KLHL29: variants seen among roughly 807,000 people sequenced by gnomAD.
KLHL29 encodes the protein kelch like family member 29.
A neutral mutation model predicts 80.4 loss-of-function variants in KLHL29; 21 were observed. The ratio of observed to expected loss-of-function variants is 0.26; its 90% CI spans 0.19 to 0.38. KLHL29 has a LOEUF of 0.38. Among genes scored for constraint, KLHL29 ranks in the 10% least tolerant of loss-of-function variants. KLHL29 has a pLI of 1.00. For missense variants in KLHL29, 867 were observed against 1,223.9 expected (o/e 0.71, Z 4.35); for synonymous variants, 511 against 526.8 (o/e 0.97, Z 0.41).
Position 23,669,043 on chromosome 2 carries a change from G to C in KLHL29, c.941-15356G>C, listed in dbSNP as rs563965496. ...AGCACCTTCCTCATCCCTGGGCCGG[G>C]GGCTGTGGAGTCTAGGAGGACCTGG... is the stretch of plus-strand genomic sequence containing the variant. On this transcript the variant is annotated intron_variant, in intron 5 of 13. Transcript: ENST00000486442. This position sits in a 1 kb window ranked among gnomAD's most constrained non-coding sequence, Gnocchi z 4.3. The C allele has an allele frequency of 4.6e-5, 7 of 152,408 alleles. No homozygotes were observed. The highest frequency in any genetic ancestry group is 1.7e-4 in the African/African-American group (7 of 41,558). The allele number at this position is 152,408 out of a possible 1,614,324, so 9.4% of individuals were successfully genotyped here.
intron 1 of KLHL29, among the ~76,000 whole-genome samples, chr2:23,459,393 G>A (rs1417489356): frequency 3.9e-5 from 6 of 152,180 alleles, no homozygotes. Flanking sequence ...GAGAGTGATT[G>A]AAGCCTTGAG....
At chr2:23,445,402 T>A (rs899144610) in intron 1 of KLHL29, among the ~76,000 whole-genome samples, 15 of 152,234 alleles carry the variant, frequency 9.9e-5, no homozygotes, top group African/African-American at 3.6e-4. Context: ...CATTGTCCGC[T>A]TTTTAATATA....
intron 3 of KLHL29, among the ~76,000 whole-genome samples, chr2:23,563,651 G>C (rs367885534): frequency 3.9e-5 from 6 of 152,172 alleles, no homozygotes; most frequent in Non-Finnish European, 5.9e-5. Context: ...GGTGTGCTGC[G>C]CCTTTGTCTC....
chr2:23,641,314 C>G (rs1260021803), intron 4 of KLHL29, among the ~76,000 whole-genome samples: 1 of 152,206 alleles, frequency 6.6e-6, no homozygotes, highest in Non-Finnish European at 1.5e-5. Flanking sequence ...CTTGTTTCCC[C>G]CAGGGCTGGC....
In KLHL29 at chr2:23,453,337, T is replaced by C. The variant is rs997550098; in HGVS notation, c.-153-22223T>C. Among the ~76,000 whole-genome samples the C allele has an allele frequency of 8.7e-4, 133 of 152,212 alleles. 1 individual carries two copies. Among genetic ancestry groups the C allele is most frequent in the Admixed American group, 8.6e-3 (131 of 15,294 alleles). On this transcript the variant is annotated intron_variant, in intron 1 of 13. Transcript: ENST00000486442. ...CTACCTGTCCTGTGTGACAGAAAAATGCAGCGGTTGCCAGCCAAGGGCCCA... is the reference window on the plus strand; with the variant it reads ...CTACCTGTCCTGTGTGACAGAAAAACGCAGCGGTTGCCAGCCAAGGGCCCA...
intron 3 of KLHL29, among the ~76,000 whole-genome samples, chr2:23,632,140 G>A (rs1011141592): frequency 4.6e-5 from 7 of 152,188 alleles, no homozygotes; most frequent in African/African-American, 1.4e-4. Flanking sequence ...GGAGATCCCC[G>A]TGGTGGTGGT....
rs1182131587 is a variant in KLHL29 at position 23,707,522 on chromosome 2, A to C, written c.*858A>C. 2 of 152,098 alleles carry C rather than the reference A, an allele frequency of 1.3e-5. No homozygotes were observed. The highest frequency in any genetic ancestry group is 2.9e-5 in the Non-Finnish European group (2 of 68,028). 9.4% of individuals were successfully genotyped at this position (152,098 alleles called of 1,614,324 possible). ...CATTTTTCTATGTGCAGAATAGAGG[A>C]TCTCTCCTGGGGTGGGCGATGCCCC... On this transcript the variant is annotated 3_prime_UTR_variant, in exon 14 of 14. Transcript: ENST00000486442.
intron 2 of KLHL29, among the ~76,000 whole-genome samples, chr2:23,488,173 C>T (rs979166785): frequency 8.5e-5 from 13 of 152,382 alleles, no homozygotes; most frequent in African/African-American, 3.1e-4. Context: ...CAATAACACA[C>T]CTCCTGCCCC....
At chr2:23,627,060 C>T (rs1264664362) in intron 3 of KLHL29, among the ~76,000 whole-genome samples, 2 of 152,180 alleles carry the variant, frequency 1.3e-5, no homozygotes, top group Non-Finnish European at 2.9e-5. Context: ...TCCCCAGCAC[C>T]GCTCCTGGGG....
intron 1 of KLHL29, among the ~76,000 whole-genome samples, chr2:23,426,831 T>C (rs893430): frequency 0.51 from 77,175 of 152,048 alleles, 20,896 homozygotes; most frequent in African/African-American, 0.71. Context: ...GAAGCTTCTG[T>C]GTTCTAGCGG....
chr2:23,555,740 A>G (rs1338307563), intron 2 of KLHL29, among the ~76,000 whole-genome samples: 1 of 152,194 alleles, frequency 6.6e-6, no homozygotes, highest in Non-Finnish European at 1.5e-5. Context: ...TCTCCTGGAG[A>G]TAAGTGATGG....
intron 2 of KLHL29, among the ~76,000 whole-genome samples, chr2:23,552,102 C>T (rs1667146468): frequency 6.6e-6 from 1 of 152,236 alleles, no homozygotes; most frequent in South Asian, 2.1e-4. Context: ...CTGAAGCACA[C>T]AGCACAACCA....
chr2:23,557,867 G>A (rs1324814869), intron 2 of KLHL29, among the ~76,000 whole-genome samples: 1 of 152,194 alleles, frequency 6.6e-6, no homozygotes, highest in East Asian at 1.9e-4. Flanking sequence ...GCCAGGCTAG[G>A]CTGTGCTTAG....
intron 2 of KLHL29, among the ~76,000 whole-genome samples, chr2:23,515,222 C>G (rs949388080): frequency 1.3e-5 from 2 of 152,198 alleles, no homozygotes; most frequent in African/African-American, 4.8e-5. Context: ...TCTGAACAGC[C>G]TGTAAAGCCC....
intron 1 of KLHL29, among the ~76,000 whole-genome samples, chr2:23,449,982 G>C (rs1663823440): frequency 6.6e-6 from 1 of 152,204 alleles, no homozygotes. Context: ...AGCTGACTCA[G>C]GGACACAGCC....
intron 2 of KLHL29, among the ~76,000 whole-genome samples, chr2:23,556,061 C>T (rs779402304): frequency 6.6e-5 from 10 of 152,226 alleles, no homozygotes; most frequent in Non-Finnish European, 1.2e-4. Flanking sequence ...CTCCCAGTGA[C>T]GTGTTCCCTC....
chr2:23,407,208 T>A (rs1265794440), intron 1 of KLHL29, among the ~76,000 whole-genome samples: 3 of 152,230 alleles, frequency 2.0e-5, no homozygotes, highest in Non-Finnish European at 4.4e-5. Context: ...TGAACAAATC[T>A]GTGGACATTT....
intron 1 of KLHL29, among the ~76,000 whole-genome samples, chr2:23,400,799 G>C (rs914194975): frequency 1.3e-5 from 2 of 152,162 alleles, no homozygotes; most frequent in African/African-American, 4.8e-5. Context: ...GCACCACTGC[G>C]CTCCAGCCTG....
chr2:23,407,072 CAATCTT>C (rs1666754822), intron 1 of KLHL29, among the ~76,000 whole-genome samples: 1 of 152,150 alleles, frequency 6.6e-6, no homozygotes, highest in Non-Finnish European at 1.5e-5. Context: ...CATTTGGAAA[CAATCTT>C]AAAAGACCAT....
Sources: gnomAD v4.1 joint callset for allele counts (sites outside exome capture counted in the v4.1 genomes callset) on GRCh38, gnomAD v4.1.1 for gene constraint, Gnocchi (gnomAD v3.1) non-coding constraint, MANE v1.5 for transcripts, NCBI Gene and HGNC (gene_info 2026-07-23, HGNC 2026-07-21) for gene names.